ATRNL1: variants seen among roughly 807,000 people sequenced by gnomAD.
The protein encoded by ATRNL1 is attractin-like protein 1.
A neutral mutation model predicts 182.7 loss-of-function variants in ATRNL1; 95 were observed. The ratio of observed to expected loss-of-function variants is 0.52; its 90% CI spans 0.44 to 0.62. ATRNL1 has a LOEUF of 0.62. ATRNL1 is among the 20% of genes least tolerant of loss of function. The probability of loss-of-function intolerance (pLI) is 0.00; values close to 1 mark genes in which losing one functional copy is unlikely to be tolerated. For synonymous variants in ATRNL1, 576 were observed against 568.3 expected (o/e 1.01, Z -0.19); for missense variants, 1,471 against 1,679.5 (o/e 0.88, Z 2.17).
chr10:115,408,957 T>G (rs1844999256), intron 20 of ATRNL1, among the ~76,000 whole-genome samples: 1 of 152,194 alleles, frequency 6.6e-6, no homozygotes, highest in African/African-American at 2.4e-5. Context: ...GTACCTGTCA[T>G]TTTGGTTAGT....
At chr10:115,547,879 A>G (rs1412284896) in intron 25 of ATRNL1, among the ~76,000 whole-genome samples, 4 of 152,240 alleles carry the variant, frequency 2.6e-5, no homozygotes, top group Admixed American at 2.6e-4. Flanking sequence ...ATTGAATATT[A>G]CATAAAGGGT....
chr10:115,169,647 A>G (rs1424031891), intron 7 of ATRNL1, among the ~76,000 whole-genome samples: 1 of 152,158 alleles, frequency 6.6e-6, no homozygotes, highest in African/African-American at 2.4e-5. Context: ...CAGTTTCTAC[A>G]AAGAAGCCAG....
intron 13 of ATRNL1, 42 bp from the exon 14 acceptor site, chr10:115,281,313 C>G: frequency 6.4e-7 from 1 of 1,561,942 alleles, no homozygotes; most frequent in South Asian, 1.2e-5. Context: ...AGAATCATTG[C>G]TGTACAAAGG....
intron 21 of ATRNL1, among the ~76,000 whole-genome samples, chr10:115,451,972 C>T (rs1475616054): frequency 6.6e-6 from 1 of 152,072 alleles, no homozygotes; most frequent in Non-Finnish European, 1.5e-5. Context: ...ATGGATAGGG[C>T]TAGAGACTAT....
intron 26 of ATRNL1, among the ~76,000 whole-genome samples, chr10:115,707,619 T>G (rs537173823): frequency 6.6e-5 from 10 of 151,754 alleles, no homozygotes; most frequent in Non-Finnish European, 1.5e-4. Flanking sequence ...ATATACACAT[T>G]AATTTATTCT....
chr10:115,206,912 C>T (rs1420920339), intron 8 of ATRNL1, among the ~76,000 whole-genome samples: 2 of 152,116 alleles, frequency 1.3e-5, no homozygotes, highest in Admixed American at 6.6e-5. Flanking sequence ...TTGTTTAACT[C>T]CCACCTATGA....
At chr10:115,454,152 A>G (rs1000024239) in intron 21 of ATRNL1, among the ~76,000 whole-genome samples, 4 of 152,086 alleles carry the variant, frequency 2.6e-5, no homozygotes, top group Non-Finnish European at 4.4e-5. Flanking sequence ...CATTTAATGA[A>G]GAGACTATCC....
At chr10:115,394,842 G>C in intron 20 of ATRNL1, 90 bp downstream of exon 20, 2 of 960,798 alleles carry the variant, frequency 2.1e-6, no homozygotes, top group Non-Finnish European at 3.1e-6. Flanking sequence ...TTAGTGTTGT[G>C]CTAGTTAGGC....
intron 25 of ATRNL1, among the ~76,000 whole-genome samples, chr10:115,529,471 T>G (rs1026965452): frequency 1.6e-4 from 24 of 151,662 alleles, no homozygotes; most frequent in African/African-American, 5.5e-4. Flanking sequence ...ATTTTCTTTT[T>G]TCTTCTCTTC....
chr10:115,094,075 G>T (rs760658256), intron 1 of ATRNL1, 32 bp downstream of exon 1: 1 of 1,371,034 alleles, frequency 7.3e-7, no homozygotes, highest in Admixed American at 3.1e-5. Flanking sequence ...CGAACCTCCA[G>T]CCCTGCCTCG....
chr10:115,919,816 G>A (rs1243742795), intron 28 of ATRNL1, among the ~76,000 whole-genome samples: 2 of 152,060 alleles, frequency 1.3e-5, no homozygotes, highest in East Asian at 3.9e-4. Flanking sequence ...GCTGATTCAT[G>A]GATACTGTCT....
chr10:115,612,766 G>T (rs1233156785), intron 26 of ATRNL1, among the ~76,000 whole-genome samples: 1 of 152,132 alleles, frequency 6.6e-6, no homozygotes, highest in Non-Finnish European at 1.5e-5. Context: ...TCTTATCATA[G>T]GCATGTGCGC....
At chr10:115,426,763 C>A (rs140702207) in intron 21 of ATRNL1, among the ~76,000 whole-genome samples, 1,788 of 152,216 alleles carry the variant, frequency 0.012, 34 homozygotes, top group African/African-American at 0.04. Flanking sequence ...TTGCTCTTGT[C>A]GCCCAGGCTG....
rs73377548 is a variant in ATRNL1 at position 115,680,998 on chromosome 10, A to G, written c.3796-46250A>G. Among the ~76,000 whole-genome samples, 496 of 152,224 alleles carry G rather than the reference A, an allele frequency of 3.3e-3. 1 individual carries two copies. Among genetic ancestry groups the G allele is most frequent in the African/African-American group, 0.011 (461 of 41,572 alleles). ...TGATTTATACCTATAGTGTATCCAT[A>G]TTTGAAGTCTAGTGTGGTTCTGCTT... On this transcript the variant is annotated intron_variant, in intron 26 of 28. Transcript: ENST00000355044.
At chr10:115,449,205 C>T (rs1425286693) in intron 21 of ATRNL1, among the ~76,000 whole-genome samples, 1 of 152,114 alleles carries the variant, frequency 6.6e-6, no homozygotes, top group East Asian at 1.9e-4. Flanking sequence ...CCATAAAAAC[C>T]ACAGGCTCCA....
At chr10:115,164,098 T>C (rs1846925991) in intron 6 of ATRNL1, among the ~76,000 whole-genome samples, 1 of 152,188 alleles carries the variant, frequency 6.6e-6, no homozygotes, top group Non-Finnish European at 1.5e-5. Flanking sequence ...GGCTGGATGC[T>C]TCCTTTTGTA....
At chr10:115,327,130 C>T (rs552870208) in intron 18 of ATRNL1, among the ~76,000 whole-genome samples, 1 of 151,684 alleles carries the variant, frequency 6.6e-6, no homozygotes, top group African/African-American at 2.4e-5. Flanking sequence ...AAGAAACTAC[C>T]ATCAGAGTGA....
chr10:115,184,091 CTAAGGA>C (rs1191516600), intron 8 of ATRNL1, among the ~76,000 whole-genome samples: 2 of 150,986 alleles, frequency 1.3e-5, no homozygotes, highest in Admixed American at 6.6e-5. Flanking sequence ...AGCCAAGCAT[CTAAGGA>C]TGACTATTAT....
At chr10:115,274,880 C>G (rs1032378049) in intron 13 of ATRNL1, among the ~76,000 whole-genome samples, 3 of 152,198 alleles carry the variant, frequency 2.0e-5, no homozygotes, top group African/African-American at 7.2e-5. Flanking sequence ...AAGGCAATTA[C>G]AATTGGTATT....
Sources: allele counts gnomAD v4.1 joint callset (sites outside exome capture counted in the v4.1 genomes callset), GRCh38; gene constraint gnomAD v4.1.1; transcripts MANE v1.5; gene names NCBI Gene and HGNC (gene_info 2026-07-23, HGNC 2026-07-21).